The following PDE7B variants were observed in gnomAD, a reference collection of about 807,000 sequenced individuals.
The protein encoded by PDE7B is 3',5'-cyclic-AMP phosphodiesterase 7B.
PDE7B carries 29 observed loss-of-function variants against 56.2 expected under a neutral mutation model. The ratio of observed to expected loss-of-function variants is 0.52; its 90% CI spans 0.38 to 0.70. The LOEUF is 0.70. Ranked by LOEUF, PDE7B falls within the 30% of genes least tolerant of loss-of-function variation. PDE7B has a pLI of 0.00. For synonymous variants in PDE7B, 197 were observed against 196.9 expected (o/e 1.00, Z 0.00); for missense variants, 490 against 565.0 (o/e 0.87, Z 1.35).
At chr6:136,038,274 C>T in intron 2 of PDE7B, 2 of 1,298,346 alleles carry the variant, frequency 1.5e-6, no homozygotes, top group Non-Finnish European at 2.0e-6. Context: ...ACCTCCTCTT[C>T]TGGGGCACAA....
In PDE7B at chr6:136,192,865, C is replaced by T. The variant is rs1461363081; in HGVS notation, c.*1025C>T. On this transcript the variant is annotated 3_prime_UTR_variant, in exon 13 of 13. Coordinates refer to ENST00000308191, the MANE Select transcript of PDE7B (RefSeq NM_018945.4). Reference sequence around the variant, plus strand: ...AACTTAAATCCTCATAGATGTCTTTCTCAACTGCCTTCCCATGTTCATCTG... The same window carrying T: ...AACTTAAATCCTCATAGATGTCTTTTTCAACTGCCTTCCCATGTTCATCTG... 1 of 152,364 alleles carries T rather than the reference C, an allele frequency of 6.6e-6. No individual in the cohort carries two copies. The highest frequency in any genetic ancestry group is 1.9e-4 in the East Asian group (1 of 5,196). The allele number at this position is 152,364 out of a possible 1,614,324, so 9.4% of individuals were successfully genotyped here. A position where few individuals can be genotyped will look rare whatever the true frequency, so the allele number is the denominator to read the frequency against.
At chr6:135,997,373 C>G (rs918615911) in intron 2 of PDE7B, among the ~76,000 whole-genome samples, 8 of 125,984 alleles carry the variant, frequency 6.4e-5, no homozygotes, top group Non-Finnish European at 1.2e-4. Flanking sequence ...ATGATCATGC[C>G]ACTGCACTCC....
At chr6:135,952,868 G>A (rs548020402) in intron 2 of PDE7B, among the ~76,000 whole-genome samples, 1 of 152,102 alleles carries the variant, frequency 6.6e-6, no homozygotes, top group Non-Finnish European at 1.5e-5. Context: ...ATAAAAGAGA[G>A]TTCTGGTCTC....
chr6:136,012,988 A>G (rs2128207346), intron 2 of PDE7B, among the ~76,000 whole-genome samples: 1 of 152,316 alleles, frequency 6.6e-6, no homozygotes, highest in East Asian at 1.9e-4. Context: ...ATCCAATATA[A>G]CAAGACCACC....
intron 2 of PDE7B, among the ~76,000 whole-genome samples, chr6:136,056,027 A>T (rs190954564): frequency 1.3e-5 from 2 of 152,344 alleles, no homozygotes; most frequent in East Asian, 3.9e-4. Context: ...GAGTTCAGAA[A>T]GGAAAAAGAA....
In PDE7B at chr6:135,994,019, A is replaced by C. The variant is rs1775519357; in HGVS notation, c.82+46495A>C. Among the ~76,000 whole-genome samples the C allele has an allele frequency of 2.6e-5, 4 of 152,010 alleles. No homozygotes were observed. The South Asian group carries it at 8.3e-4, about 32-fold the overall frequency. ...AATCTAAGAGGGATCCCAGTTTCTCAGTTCTGTTTTTAAACTACCCCTTCC... is the reference window on the plus strand; with the variant it reads ...AATCTAAGAGGGATCCCAGTTTCTCCGTTCTGTTTTTAAACTACCCCTTCC... On this transcript the variant is annotated intron_variant, in intron 2 of 12. Transcript: ENST00000308191.
At chr6:135,967,827 A>G (rs555881696) in intron 2 of PDE7B, among the ~76,000 whole-genome samples, 1 of 152,330 alleles carries the variant, frequency 6.6e-6, no homozygotes, top group South Asian at 2.1e-4. Context: ...GCAAGAGCAC[A>G]TAATAGATAT....
intron 1 of PDE7B, among the ~76,000 whole-genome samples, chr6:135,923,907 TA>T: frequency 6.6e-6 from 1 of 152,286 alleles, no homozygotes; most frequent in East Asian, 1.9e-4. Flanking sequence ...CTGAGATGGT[TA>T]GCAGTACACA....
chr6:136,002,398 A>T (rs1044990822), intron 2 of PDE7B, among the ~76,000 whole-genome samples: 44 of 152,252 alleles, frequency 2.9e-4, no homozygotes, highest in Non-Finnish European at 5.6e-4. Context: ...TAAAAGACAC[A>T]GACTGAGAAA....
chr6:135,989,757 T>C (rs1376278217), intron 2 of PDE7B, among the ~76,000 whole-genome samples: 1 of 152,018 alleles, frequency 6.6e-6, no homozygotes, highest in Non-Finnish European at 1.5e-5. Context: ...ATTACAATGG[T>C]TTATGTTGGT....
At chr6:135,916,526 G>A (rs1773951951) in intron 1 of PDE7B, among the ~76,000 whole-genome samples, 1 of 150,834 alleles carries the variant, frequency 6.6e-6, no homozygotes, top group South Asian at 2.1e-4. Context: ...CCGAGTAGCT[G>A]GGAATACAGG....
chr6:136,066,378 CA>C (rs995937749), intron 2 of PDE7B, among the ~76,000 whole-genome samples: 1 of 152,086 alleles, frequency 6.6e-6, no homozygotes, highest in Non-Finnish European at 1.5e-5. Flanking sequence ...GACTCCGAAC[CA>C]AATACTGAAC....
At chr6:136,116,193 G>A (rs545101831) in intron 3 of PDE7B, among the ~76,000 whole-genome samples, 7 of 152,214 alleles carry the variant, frequency 4.6e-5, no homozygotes, top group African/African-American at 1.7e-4. Context: ...AGATAAGACA[G>A]TGTTGACTGA....
intron 2 of PDE7B, among the ~76,000 whole-genome samples, chr6:136,029,294 A>G (rs1776200655): frequency 6.6e-6 from 1 of 152,178 alleles, no homozygotes; most frequent in South Asian, 2.1e-4. Context: ...GTTTGAAAGC[A>G]GGAAAAAAAA....
intron 2 of PDE7B, among the ~76,000 whole-genome samples, chr6:136,047,772 A>G (rs1776540308): frequency 6.6e-6 from 1 of 152,232 alleles, no homozygotes; most frequent in African/African-American, 2.4e-5. Context: ...GAAATGAAAA[A>G]TTCAAATTTC....
chr6:135,927,957 A>G (rs1009649139), intron 1 of PDE7B, among the ~76,000 whole-genome samples: 1 of 152,164 alleles, frequency 6.6e-6, no homozygotes, highest in Admixed American at 6.5e-5. Flanking sequence ...CAATAATCCC[A>G]TTAAAAATTG....
intron 2 of PDE7B, chr6:136,038,003 ACAG>A (rs1776352929): frequency 7.8e-7 from 1 of 1,285,402 alleles, no homozygotes; most frequent in African/African-American, 1.5e-5. Flanking sequence ...AGGAAGGAGT[ACAG>A]TAACAGTTTC....
chr6:135,877,585 T>C (rs1049800587), intron 1 of PDE7B, among the ~76,000 whole-genome samples: 1 of 152,114 alleles, frequency 6.6e-6, no homozygotes, highest in African/African-American at 2.4e-5. Flanking sequence ...TTCCAGTTCC[T>C]TCACTTTGGC....
chr6:136,103,637 C>A (rs1777600572), intron 2 of PDE7B, among the ~76,000 whole-genome samples: 1 of 152,206 alleles, frequency 6.6e-6, no homozygotes, highest in Non-Finnish European at 1.5e-5. Context: ...CATATTTGGG[C>A]TGCTTTGCGG....
Sources: gnomAD v4.1 joint callset for allele counts (sites outside exome capture counted in the v4.1 genomes callset) on GRCh38, gnomAD v4.1.1 for gene constraint, MANE v1.5 for transcripts, NCBI Gene and HGNC (gene_info 2026-07-23, HGNC 2026-07-21) for gene names.